The following TUBGCP6 variants were observed in gnomAD, a reference collection of about 807,000 sequenced individuals.
The protein encoded by TUBGCP6 is tubulin gamma complex component 6, also known as gamma-tubulin complex component 6.
A neutral mutation model predicts 175.8 loss-of-function variants in TUBGCP6; 161 were observed. The observed-to-expected ratio is 0.92, with a 90% CI of 0.81 to 1.04. The LOEUF (loss-of-function observed/expected upper bound fraction) is 1.04. Among genes scored for constraint, TUBGCP6 ranks in the 50% least tolerant of loss-of-function variants. The pLI, the probability that TUBGCP6 is intolerant of heterozygous loss-of-function variation, is 0.00. For missense variants in TUBGCP6, 2,572 were observed against 2,433.0 expected (o/e 1.06, Z -1.20); for synonymous variants, 1,173 against 1,030.5 (o/e 1.14, Z -2.65).
Position 50,219,742 on chromosome 22 carries a change from G to A in TUBGCP6, c.4217C>T (p.Ala1406Val). The A allele has an allele frequency of 6.2e-7, 1 of 1,613,792 alleles. No individual in the cohort carries two copies. The highest frequency in any genetic ancestry group is 8.5e-7 in the Non-Finnish European group (1 of 1,180,006). ...SSPGRGEEAE[A>V]SAAEAQGGEQ... ...CCCACCCTGAGCCTCCGCCGCCGAT[G>A]CCTCCGCCTCCTCACCACGGCCTGG... The change falls in exon 18 of 25, where the codon GCA becomes GTA. Residue 1406 changes from alanine to valine, a missense_variant. Coordinates refer to ENST00000248846, the MANE Select transcript of TUBGCP6 (RefSeq NM_020461.4).
rs149152116 is a variant in TUBGCP6, at chr22:50,218,218, G to A, written c.5139C>T (p.His1713=). The A allele has an allele frequency of 3.1e-3, 5,054 of 1,612,482 alleles. 13 individuals are homozygous for A. Among genetic ancestry groups the A allele is most frequent in the Non-Finnish European group, 3.9e-3 (4,543 of 1,179,864 alleles). The part of the protein sequence containing the change: ...VGDLEEIQRA[H]AEYLHKAVFR... ...AGACGGCCTTGTGCAGGTACTCTGC[G>A]TGCGCACGCTGGATCTCCTCCAGGT... The change falls in exon 23 of 25, where the codon CAC becomes CAT. Residue 1713 remains histidine, a synonymous_variant. Transcript: ENST00000248846.
intron 4 of TUBGCP6, among the ~76,000 whole-genome samples, chr22:50,228,984 A>G (rs1243919617): frequency 2.0e-5 from 3 of 152,180 alleles, no homozygotes; most frequent in Non-Finnish European, 2.9e-5. Context: ...AAGACTCACC[A>G]AACAGCAGCT....
At position 50,220,261 on chromosome 22, in the gene TUBGCP6, A is replaced by G. The variant is rs2147176517; in HGVS notation, c.4098T>C (p.Ser1366=). Residue 1366 remains serine (S), a synonymous_variant, in exon 16 of 25, where the codon TCT becomes TCC. Transcript: ENST00000248846. ...CCACCCTACTCTGACCTAGTTCTTC[A>G]GAGACACTGTCTCCCGGGGTGTTGG... is the stretch of plus-strand genomic sequence containing the variant. ...WWPNTPGDSV[S]EELGPGRSGD... 2 of 1,557,718 alleles carry G rather than the reference A, an allele frequency of 1.3e-6. No individual in the cohort carries two copies. Among genetic ancestry groups the G allele is most frequent in the Non-Finnish European group, 1.7e-6 (2 of 1,147,688 alleles).
intron 23 of TUBGCP6, 35 bp from the exon 24 acceptor site, chr22:50,218,152 C>T (rs769773431): frequency 1.9e-5 from 30 of 1,610,100 alleles, no homozygotes; most frequent in Non-Finnish European, 2.3e-5. Context: ...TGGGCTGAGC[C>T]GTGACCACAG....
rs368186034 is a variant in TUBGCP6 at position 50,218,178 on chromosome 22, C to T, written c.5168+11G>A. 1.9e-6 allele frequency: 3 copies of T among 1,611,132 alleles called. No homozygotes were observed. The highest frequency in any genetic ancestry group is 8.5e-7 in the Non-Finnish European group (1 of 1,179,410). On this transcript the variant is annotated intron_variant, in intron 23 of 24. Coordinates refer to ENST00000248846, the MANE Select transcript of TUBGCP6 (RefSeq NM_020461.4). ...GTGACCACAGGGACGCAGCCGCTGCCCAGGCCTCACCTGAAGACGGCCTTG... is the reference window on the plus strand; with the variant it reads ...GTGACCACAGGGACGCAGCCGCTGCTCAGGCCTCACCTGAAGACGGCCTTG...
chr22:50,240,479 G>T, intron 1 of TUBGCP6, 112 bp from the exon 2 acceptor site: 1 of 1,327,710 alleles, frequency 7.5e-7, no homozygotes, highest in Non-Finnish European at 1.0e-6. Context: ...TGTTTCTTCT[G>T]TTTTTCTCAA....
At chr22:50,222,364 G>C in intron 14 of TUBGCP6, 90 bp downstream of exon 14, 1 of 1,560,810 alleles carries the variant, frequency 6.4e-7, no homozygotes, top group South Asian at 1.2e-5. Context: ...CCCTCTCCTA[G>C]AAGAGCATGT....
At position 50,221,857 on chromosome 22, in the gene TUBGCP6, A is replaced by G; in HGVS notation, c.2502T>C (p.Pro834=). Residue 834 remains proline, a synonymous_variant, in exon 16 of 25, where the codon CCT becomes CCC. Coordinates refer to ENST00000248846, the MANE Select transcript of TUBGCP6 (RefSeq NM_020461.4). ...SVHPQVTSPG[P]EHPEGGQGCD... ...AGCCTTGGCCTCCCTCTGGGTGCTC[A>G]GGGCCCGGAGACGTGACCTGAAACA... The G allele has an allele frequency of 6.6e-7, 1 of 1,511,434 alleles. No homozygotes were observed. The highest frequency in any genetic ancestry group is 8.8e-7 in the Non-Finnish European group (1 of 1,130,450). The allele number at this position is 1,511,434 out of a possible 1,614,324, so 93.6% of individuals were successfully genotyped here. A position where few individuals can be genotyped will look rare whatever the true frequency, so the allele number is the denominator to read the frequency against.
chr22:50,239,317 T>C (rs74636860), intron 2 of TUBGCP6, among the ~76,000 whole-genome samples: 3,627 of 152,154 alleles, frequency 0.024, 90 homozygotes, highest in East Asian at 0.12. Context: ...GCTGGGATTA[T>C]AAGCGAGCAC....
intron 2 of TUBGCP6, among the ~76,000 whole-genome samples, chr22:50,239,278 G>C (rs2064811927): frequency 6.6e-6 from 1 of 152,222 alleles, no homozygotes; most frequent in Non-Finnish European, 1.5e-5. Flanking sequence ...CCAGGTTCAA[G>C]TGATTCTTGT....
Position 50,243,805 on chromosome 22 carries a change from C to G in TUBGCP6, c.655G>C (p.Val219Leu), listed in dbSNP as rs137934849. ...TCCATGTCATAAGTGCGGCTGTGCA[C>G]AAGGGCCCCGAAGAGCGAGACCCGG... ...DTRVSLFGAL[V>L]HSRTYDMDVR... The change falls in exon 1 of 25, where the codon GTG (valine) becomes CTG (leucine). Residue 219 changes from valine to leucine, a missense_variant. By Grantham distance (32) the Val-to-Leu change is conservative. Coordinates refer to ENST00000248846, the MANE Select transcript of TUBGCP6 (RefSeq NM_020461.4). The G allele has an allele frequency of 1.2e-6, 2 of 1,613,562 alleles. No homozygotes were observed. Among genetic ancestry groups the G allele is most frequent in the Non-Finnish European group, 1.7e-6 (2 of 1,180,032 alleles).
chr22:50,228,207 C>A (rs939638654), intron 4 of TUBGCP6, among the ~76,000 whole-genome samples, 179 bp from the exon 5 acceptor site: 8 of 152,200 alleles, frequency 5.3e-5, no homozygotes, highest in Non-Finnish European at 8.8e-5. Flanking sequence ...GGAAATGCGG[C>A]CCATCCACAA....
Position 50,218,561 on chromosome 22 carries a change from G to A in TUBGCP6, c.4881C>T (p.Val1627=). 1 of 1,613,832 alleles carries A rather than the reference G, an allele frequency of 6.2e-7. No individual in the cohort carries two copies. Among genetic ancestry groups the A allele is most frequent in the South Asian group, 1.1e-5 (1 of 91,090 alleles). ...GCTTCAGCTGCAGCAGGAAGGAGAA[G>A]ACGCCGCTGTACTTGCTCACGCAGC... is the stretch of plus-strand genomic sequence containing the variant. ...TEGCVSKYSG[V]FSFLLQLKLM... is the part of the protein sequence containing the mutation. Residue 1627 remains valine, a synonymous_variant, in exon 22 of 25, where the codon GTC becomes GTT. Coordinates refer to ENST00000248846, the MANE Select transcript of TUBGCP6 (RefSeq NM_020461.4).
chr22:50,222,120 G>A lies in TUBGCP6; in HGVS notation c.2410-18C>T, dbSNP rs201629477. The A allele has an allele frequency of 1.2e-6, 2 of 1,612,268 alleles. No individual in the cohort carries two copies. The highest frequency in any genetic ancestry group is 2.2e-5 in the East Asian group (1 of 44,872). On this transcript the variant is annotated intron_variant, in intron 14 of 24. Coordinates refer to ENST00000248846, the MANE Select transcript of TUBGCP6 (RefSeq NM_020461.4). ...AGCATCTCCTGAAATTCAAGCCAGA[G>A]GGGTGACTGGCCAAGCCGGAGTCAA... is the stretch of plus-strand genomic sequence containing the variant.
At chr22:50,218,159 A>C in intron 23 of TUBGCP6, 30 bp downstream of exon 23, 3 of 1,610,076 alleles carry the variant, frequency 1.9e-6, no homozygotes, top group Non-Finnish European at 2.5e-6. Flanking sequence ...AGCCGTGACC[A>C]CAGGGACGCA....
intron 2 of TUBGCP6, 102 bp from the exon 3 acceptor site, chr22:50,233,628 G>C: frequency 8.6e-7 from 1 of 1,162,206 alleles, no homozygotes; most frequent in Non-Finnish European, 1.2e-6. Context: ...AAGAATGGAA[G>C]TGATTCAAAA....
intron 10 of TUBGCP6, among the ~76,000 whole-genome samples, chr22:50,224,904 C>G (rs1030846394): frequency 6.6e-6 from 1 of 152,108 alleles, no homozygotes; most frequent in Non-Finnish European, 1.5e-5. Flanking sequence ...CTGGCTGACA[C>G]AGTGAGACCC....
In TUBGCP6 at chr22:50,218,245, G is replaced by A. The variant is rs780210481; in HGVS notation, c.5112C>T (p.Gly1704=). 17 of 1,612,762 alleles carry A rather than the reference G, an allele frequency of 1.1e-5. No homozygotes were observed. In the Admixed American group the frequency reaches 1.2e-4, roughly 11 times the overall value. ...CEFRARLATV[G]DLEEIQRAHA... is the part of the protein sequence containing the mutation. ...GCGCACGCTGGATCTCCTCCAGGTC[G>A]CCCACGGTGGCCAACCTGGCCCTGA... The change falls in exon 23 of 25, where the codon GGC becomes GGT. Residue 1704 remains glycine, a synonymous_variant. Transcript: ENST00000248846.
chr22:50,235,572 G>A (rs1040740567), intron 2 of TUBGCP6, among the ~76,000 whole-genome samples: 10 of 152,220 alleles, frequency 6.6e-5, no homozygotes, highest in Non-Finnish European at 1.2e-4. Context: ...GACGCCAAGT[G>A]GAGTAAAATG....
Sources: gnomAD v4.1 joint callset for allele counts (sites outside exome capture counted in the v4.1 genomes callset) on GRCh38, gnomAD v4.1.1 for gene constraint, MANE v1.5 for transcripts, NCBI Gene and HGNC (gene_info 2026-07-23, HGNC 2026-07-21) for gene names.